Variants in TMEM164 observed in about 807,000 individuals in gnomAD.
The protein encoded by TMEM164 is transmembrane protein 164.
Under a neutral mutation model 18.8 loss-of-function variants are expected in TMEM164, and 4 were observed. The observed-to-expected ratio is 0.21, with a 90% CI of 0.10 to 0.49. The LOEUF (loss-of-function observed/expected upper bound fraction) is 0.49. Ranked by LOEUF, TMEM164 falls within the 20% of genes least tolerant of loss-of-function variation. The pLI is 0.98. For missense variants in TMEM164, 108 were observed against 239.9 expected, an observed-to-expected ratio of 0.45 and a Z score of 3.63; for synonymous variants, 86 against 101.7, an observed-to-expected ratio of 0.85 and a Z score of 0.93.
intron 5 of TMEM164, among the ~76,000 whole-genome samples, chrX:110,152,923 C>T (rs780277702): frequency 1.2e-4 from 13 of 111,605 alleles, no homozygotes; most frequent in Non-Finnish European, 1.9e-4. Context: ...CCATCTTCCC[C>T]AGTGCACAAG....
intron 2 of TMEM164, among the ~76,000 whole-genome samples, chrX:110,025,621 T>C: frequency 1.8e-5 from 2 of 112,447 alleles, no homozygotes. Flanking sequence ...TTTGTTTGTT[T>C]TTGTTTTTAA....
At chrX:110,032,039 A>T (rs1329876622) in intron 2 of TMEM164, among the ~76,000 whole-genome samples, 2 of 111,710 alleles carry the variant, frequency 1.8e-5, no homozygotes, top group Admixed American at 9.5e-5. Flanking sequence ...AAAAAAATCC[A>T]GCTTGATGGG....
Position 110,020,583 on chromosome X carries a change from A to G in TMEM164, c.390+16419A>G, listed in dbSNP as rs922469941. 5 of 752,669 alleles carry G rather than the reference A, an allele frequency of 6.6e-6. No homozygotes were observed. In the African/African-American group the frequency reaches 9.3e-5, roughly 14 times the overall value. The allele number at this position is 752,669 out of a possible 1,213,427, so 62.0% of individuals were successfully genotyped here. On this transcript the variant is annotated intron_variant, in intron 2 of 6. Transcript: ENST00000372068. The stretch of plus-strand genomic sequence containing the variant: ...CAGGAAGTGGAATGAGATCCAGGAG[A>G]GGAAGGAGTTTCAGAAGGCAGGAGC...
rs1182919107 is a variant in TMEM164, at chrX:110,101,606, G to T, written c.441-7474G>T. Among the ~76,000 whole-genome samples, 11 of 91,946 alleles carry T rather than the reference G, an allele frequency of 1.2e-4. No homozygotes were observed. The Admixed American group carries it at 1.3e-3, about 11-fold the overall frequency. The allele number at this position is 91,946 out of a possible 115,157, so 79.8% of individuals were successfully genotyped here. On this transcript the variant is annotated intron_variant, in intron 3 of 6. Coordinates refer to ENST00000372068, the MANE Select transcript of TMEM164 (RefSeq NM_032227.4). ...TTTTTTTTTTTTTTTTTGAGACAGT[G>T]TCTCACTCTGTCGCCCAAGCTGAAG...
At chrX:110,066,931 A>T (rs1342781067) in intron 2 of TMEM164, among the ~76,000 whole-genome samples, 1 of 111,763 alleles carries the variant, frequency 8.9e-6, no homozygotes, top group African/African-American at 3.3e-5. Context: ...GTAACTGGGC[A>T]TCCTGTATTT....
downstream of TMEM164, chrX:110,182,229 G>GA (rs1418945704): frequency 1.8e-5 from 2 of 111,324 alleles, no homozygotes; most frequent in Non-Finnish European, 3.8e-5. Context: ...TCTTGCTAGA[G>GA]AAAACCCTTT....
intron 2 of TMEM164, among the ~76,000 whole-genome samples, chrX:110,021,571 GGAGAAGGAAGGGGACACTCATTGCTATGA>G (rs1933862272): frequency 9.0e-6 from 1 of 111,490 alleles, no homozygotes; most frequent in African/African-American, 3.3e-5. Flanking sequence ...AGCTGCAGAG[GGAGAAGGAAGGGGACACTCATTGCTATGA>G]GGAAACATCA....
chrX:110,100,606 C>T (rs2066094931), intron 3 of TMEM164, among the ~76,000 whole-genome samples: 1 of 111,441 alleles, frequency 9.0e-6, no homozygotes, highest in African/African-American at 3.3e-5. Context: ...GAGTCTCGCT[C>T]TGTTGCCCAG....
chrX:110,037,001 G>A (rs1305411982), intron 2 of TMEM164, among the ~76,000 whole-genome samples: 3 of 110,817 alleles, frequency 2.7e-5, no homozygotes, highest in African/African-American at 9.9e-5. Flanking sequence ...TTAAAGTTAT[G>A]GTCTCTTTTT....
At position 110,003,197 on chromosome X, in the gene TMEM164, C is replaced by CCGGCGTCCCTGCCATCCCCGT. The variant is rs1327097367; in HGVS notation, c.-275+22_-275+42dup. 2 of 112,889 alleles carry CCGGCGTCCCTGCCATCCCCGT rather than the reference C, an allele frequency of 1.8e-5. No homozygotes were observed. Among genetic ancestry groups the CCGGCGTCCCTGCCATCCCCGT allele is most frequent in the Non-Finnish European group, 3.7e-5 (2 of 53,682 alleles). 9.3% of individuals were successfully genotyped at this position (112,889 alleles called of 1,213,427 possible). ...GTGGCGAGTGCGTGAGACGAGGAGTCCGGCGTCCCTGCCATCCCCGTCGCC... is the reference window on the plus strand; with the variant it reads ...GTGGCGAGTGCGTGAGACGAGGAGTCCGGCGTCCCTGCCATCCCCGTCGGCGTCCCTGCCATCCCCGTCGCC... On this transcript the variant is annotated intron_variant, in intron 1 of 6. Coordinates refer to ENST00000372068, the MANE Select transcript of TMEM164 (RefSeq NM_032227.4).
chrX:110,163,832 A>G (rs748856330), intron 5 of TMEM164, among the ~76,000 whole-genome samples: 2 of 111,932 alleles, frequency 1.8e-5, no homozygotes, highest in Non-Finnish European at 3.8e-5. Flanking sequence ...AGGGCAGTTC[A>G]TCTGTGGTGA....
chrX:110,122,883 T>C (rs895075841), intron 4 of TMEM164, among the ~76,000 whole-genome samples: 13 of 112,630 alleles, frequency 1.2e-4, no homozygotes, highest in African/African-American at 3.5e-4. Flanking sequence ...ATTTGCTTGA[T>C]TGTATCCTTT....
intron 5 of TMEM164, among the ~76,000 whole-genome samples, chrX:110,153,968 AT>A (rs1033869625): frequency 2.7e-5 from 3 of 109,737 alleles, no homozygotes; most frequent in African/African-American, 6.6e-5. Flanking sequence ...TTTTATTTGT[AT>A]TTTTTTTTAC....
intron 2 of TMEM164, among the ~76,000 whole-genome samples, chrX:110,019,834 G>A (rs1933702060): frequency 9.0e-6 from 1 of 111,616 alleles, no homozygotes; most frequent in Admixed American, 9.5e-5. Flanking sequence ...GATAGGATTC[G>A]GTATCTTCTG....
Position 110,089,553 on chromosome X carries a change from G to A in TMEM164, c.441-19527G>A, listed in dbSNP as rs1294979344. On this transcript the variant is annotated intron_variant, in intron 3 of 6. Transcript: ENST00000372068. Reference sequence around the variant, plus strand: ...GTAATATTTAAAATATAACGGGATTGTTTACCCATCTAATTAAGTATTCTT... The same window carrying A: ...GTAATATTTAAAATATAACGGGATTATTTACCCATCTAATTAAGTATTCTT... 3.6e-5 allele frequency among the ~76,000 whole-genome samples: 4 copies of A among 112,265 alleles called. No individual in the cohort carries two copies. The East Asian group carries it at 1.1e-3, about 31-fold the overall frequency.
chrX:110,020,685 A>G lies in TMEM164; in HGVS notation c.390+16521A>G, dbSNP rs1933762076. ...GAAGGTAATTAGATTTGGTGTTTAC[A>G]GGCTGGTCCCTGTGGCCAGCCACCC... On this transcript the variant is annotated intron_variant, in intron 2 of 6. Transcript: ENST00000372068. The G allele has an allele frequency of 5.3e-6, 4 of 752,327 alleles. No individual in the cohort carries two copies. In the Admixed American group the frequency reaches 3.5e-4, roughly 66 times the overall value. 62.0% of individuals were successfully genotyped at this position (752,327 alleles called of 1,213,427 possible). A position where few individuals can be genotyped will look rare whatever the true frequency, so the allele number is the denominator to read the frequency against.
chrX:110,123,960 T>A lies in TMEM164; in HGVS notation c.507+14814T>A, dbSNP rs188750135. Among the ~76,000 whole-genome samples the A allele has an allele frequency of 4.0e-4, 44 of 111,065 alleles. No homozygotes were observed. In the South Asian group the frequency reaches 4.5e-3, roughly 11 times the overall value. On this transcript the variant is annotated intron_variant, in intron 4 of 6. Coordinates refer to ENST00000372068, the MANE Select transcript of TMEM164 (RefSeq NM_032227.4). ...GACCGGTCTCTACCAAAATTTTTTT[T>A]AAAAAATTAGCCAGGCGTGGCGGTA...
intron 2 of TMEM164, among the ~76,000 whole-genome samples, chrX:110,033,341 C>G (rs1934604969): frequency 8.9e-6 from 1 of 112,075 alleles, no homozygotes; most frequent in Admixed American, 9.4e-5. Flanking sequence ...TCATGCCATC[C>G]AAACCTGATG....
At chrX:110,024,501 C>T (rs769177094) in intron 2 of TMEM164, among the ~76,000 whole-genome samples, 2 of 111,773 alleles carry the variant, frequency 1.8e-5, no homozygotes, top group East Asian at 5.6e-4. Flanking sequence ...CCAGGCTGGT[C>T]TCGAACTTCT....
Sources: allele counts gnomAD v4.1 joint callset (sites outside exome capture counted in the v4.1 genomes callset), GRCh38; gene constraint gnomAD v4.1.1; transcripts MANE v1.5; gene names NCBI Gene and HGNC (gene_info 2026-07-23, HGNC 2026-07-21).